Variants in COPG2 observed in about 807,000 individuals in gnomAD.
The protein encoded by COPG2 is coat protein complex I subunit gamma 2, also known as coatomer subunit gamma-2.
A neutral mutation model predicts 46.3 loss-of-function variants in COPG2; 37 were observed. The observed-to-expected ratio is 0.80, with a 90% CI of 0.61 to 1.05. The LOEUF is 1.05. Ranked by LOEUF, COPG2 falls within the 50% of genes least tolerant of loss-of-function variation. COPG2 has a pLI of 0.00. For synonymous variants in COPG2, 159 were observed against 129.7 expected (o/e 1.23, Z -1.53); for missense variants, 427 against 387.8 (o/e 1.10, Z -0.85).
intron 12 of COPG2, among the ~76,000 whole-genome samples, chr7:130,556,349 G>C (rs1211510927): frequency 1.3e-5 from 2 of 152,202 alleles, no homozygotes; most frequent in East Asian, 3.9e-4. Flanking sequence ...AAGATGTCTT[G>C]TATTATAGAA....
chr7:130,563,543 T>C (rs1793751439), intron 10 of COPG2, among the ~76,000 whole-genome samples: 1 of 151,556 alleles, frequency 6.6e-6, no homozygotes, highest in African/African-American at 2.4e-5. Flanking sequence ...ATGAATCACA[T>C]TCAAAATATG....
At chr7:130,614,226 G>A (rs188889708) in intron 6 of COPG2, among the ~76,000 whole-genome samples, 1 of 152,150 alleles carries the variant, frequency 6.6e-6, no homozygotes, top group East Asian at 1.9e-4. Flanking sequence ...AAAAGACTGA[G>A]AGCAATATTC....
rs1277163206 is a variant in COPG2 at position 130,508,634 on chromosome 7, C to T, written c.2175G>A (p.Met725Ile). 4 of 771,672 alleles carry T rather than the reference C, an allele frequency of 5.2e-6. No homozygotes were observed. The highest frequency in any genetic ancestry group is 9.7e-6 in the Non-Finnish European group (4 of 414,036). 47.8% of individuals were successfully genotyped at this position (771,672 alleles called of 1,614,324 possible). A position where few individuals can be genotyped will look rare whatever the true frequency, so the allele number is the denominator to read the frequency against. ...GGTCACAGTCCCGGACTGTAAACTT[C>T]ATGGTGCAGCTAAAGGAGCCTGCAA... ...TAVAGSFSCT[M>I]KFTVRDCDPN... The change falls in exon 21 of 24, where the codon ATG (methionine) becomes ATA (isoleucine). Residue 725 changes from methionine (M) to isoleucine (I), a missense_variant. Transcript: ENST00000425248.
chr7:130,582,356 T>C (rs1475168590), intron 9 of COPG2, among the ~76,000 whole-genome samples: 3 of 147,612 alleles, frequency 2.0e-5, no homozygotes, highest in African/African-American at 5.0e-5. Context: ...TCAAGATGGA[T>C]TAAAGACTTA....
At chr7:130,667,409 G>A in intron 2 of COPG2, 73 bp downstream of exon 2, 1 of 1,217,450 alleles carries the variant, frequency 8.2e-7, no homozygotes, top group Non-Finnish European at 1.2e-6. Flanking sequence ...GATCACAGCA[G>A]CCCAGGGATT....
intron 20 of COPG2, among the ~76,000 whole-genome samples, chr7:130,531,656 C>T (rs1176989093): frequency 6.6e-6 from 1 of 152,022 alleles, no homozygotes; most frequent in African/African-American, 2.4e-5. Flanking sequence ...GGTAGTTCCA[C>T]GTGGAGAGTG....
chr7:130,509,373 T>G, intron 20 of COPG2: 1 of 462,292 alleles, frequency 2.2e-6, no homozygotes, highest in Non-Finnish European at 4.3e-6. Flanking sequence ...CTGAAATGTT[T>G]GAAGGAGGGG....
intron 5 of COPG2, among the ~76,000 whole-genome samples, chr7:130,651,548 C>T (rs1316510748): frequency 5.9e-4 from 81 of 136,266 alleles, no homozygotes; most frequent in Middle Eastern, 3.8e-3. Flanking sequence ...CTCGCTCTGT[C>T]CCCCAGGTCG....
At chr7:130,616,663 T>C (rs1489349576) in intron 6 of COPG2, among the ~76,000 whole-genome samples, 4 of 152,240 alleles carry the variant, frequency 2.6e-5, no homozygotes, top group African/African-American at 9.6e-5. Flanking sequence ...TGTCTACCTA[T>C]AAGCTTCACC....
At chr7:130,595,160 T>C (rs1478211326) in intron 9 of COPG2, among the ~76,000 whole-genome samples, 1 of 152,224 alleles carries the variant, frequency 6.6e-6, no homozygotes, top group Non-Finnish European at 1.5e-5. Context: ...GGTATATTTA[T>C]ACAATGTAAT....
intron 20 of COPG2, among the ~76,000 whole-genome samples, chr7:130,527,695 G>A (rs1799786810): frequency 6.6e-6 from 1 of 152,160 alleles, no homozygotes; most frequent in Non-Finnish European, 1.5e-5. Context: ...ACGGGAGGAT[G>A]GAGAGCCGGG....
At chr7:130,639,395 G>C (rs1013898364) in intron 5 of COPG2, among the ~76,000 whole-genome samples, 1 of 152,046 alleles carries the variant, frequency 6.6e-6, no homozygotes, top group African/African-American at 2.4e-5. Flanking sequence ...CATTTTGGGG[G>C]TATCTATTGA....
intron 20 of COPG2, among the ~76,000 whole-genome samples, chr7:130,513,899 GC>G (rs1394159612): frequency 6.6e-6 from 1 of 152,178 alleles, no homozygotes; most frequent in African/African-American, 2.4e-5. Context: ...TTGAAGATTG[GC>G]AGGTATTGAC....
chr7:130,538,397 C>T (rs951310231), intron 20 of COPG2, among the ~76,000 whole-genome samples: 64,352 of 151,748 alleles, frequency 0.42, 16,587 homozygotes, highest in East Asian at 0.6. Flanking sequence ...GCTTAGTGTC[C>T]GTACAGGGTC....
At chr7:130,551,486 C>A (rs1350494372) in intron 15 of COPG2, 142 bp from the exon 16 acceptor site, 1 of 390,756 alleles carries the variant, frequency 2.6e-6, no homozygotes, top group African/African-American at 2.1e-5. Context: ...ACAGTGGCTC[C>A]TAAAGTCTTC....
At chr7:130,509,712 C>G (rs1330821689) in intron 20 of COPG2, 1 of 519,630 alleles carries the variant, frequency 1.9e-6, no homozygotes, top group Admixed American at 1.9e-5. Flanking sequence ...TGATCTCTGT[C>G]TCTAGGAGCT....
intron 5 of COPG2, among the ~76,000 whole-genome samples, chr7:130,637,466 A>G (rs1321991037): frequency 6.6e-6 from 1 of 151,876 alleles, no homozygotes; most frequent in African/African-American, 2.4e-5. Context: ...ACTTTATTTC[A>G]TTAGATTTAT....
chr7:130,610,875 A>C (rs782101703), intron 9 of COPG2, 78 bp downstream of exon 9: 8 of 1,489,874 alleles, frequency 5.4e-6, no homozygotes, highest in Non-Finnish European at 7.5e-6. Context: ...CCCAAAAAAA[A>C]TTCAAAAAGG....
intron 9 of COPG2, among the ~76,000 whole-genome samples, chr7:130,600,427 A>G (rs1413877882): frequency 6.6e-6 from 1 of 151,852 alleles, no homozygotes; most frequent in African/African-American, 2.4e-5. Context: ...CGCCTGGCTA[A>G]TTTTTTTGTA....
Sources: allele counts gnomAD v4.1 joint callset (sites outside exome capture counted in the v4.1 genomes callset), GRCh38; gene constraint gnomAD v4.1.1; transcripts MANE v1.5; gene names NCBI Gene and HGNC (gene_info 2026-07-23, HGNC 2026-07-21).